LRRC23: variants seen among roughly 807,000 people sequenced by gnomAD.
LRRC23 encodes the protein leucine-rich repeat-containing protein 23.
In LRRC23, 28 loss-of-function variants were observed where a neutral mutation model predicts 37.7. The ratio of observed to expected loss-of-function variants is 0.74; its 90% CI spans 0.55 to 1.02. The LOEUF (loss-of-function observed/expected upper bound fraction) is 1.02. Among genes scored for constraint, LRRC23 ranks in the 50% least tolerant of loss-of-function variants. The pLI, the probability that LRRC23 is intolerant of heterozygous loss-of-function variation, is 0.00. For missense variants in LRRC23, 377 were observed against 413.2 expected, an observed-to-expected ratio of 0.91 and a Z score of 0.76; for synonymous variants, 161 against 165.4, an observed-to-expected ratio of 0.97 and a Z score of 0.20.
chr12:6,910,053 T>G, intron 6 of LRRC23, 27 bp downstream of exon 6: 1 of 1,589,698 alleles, frequency 6.3e-7, no homozygotes, highest in Non-Finnish European at 8.6e-7. Context: ...AGCCCCACCT[T>G]GCCCCTACCC....
chr12:6,913,109 A>G, intron 7 of LRRC23, 82 bp downstream of exon 7: 3 of 1,390,226 alleles, frequency 2.2e-6, no homozygotes, highest in Admixed American at 1.9e-5. Flanking sequence ...AAGCTGCTGC[A>G]GAAGGAGGTG....
chr12:6,907,521 G>T (rs1555139844), intron 5 of LRRC23, 76 bp downstream of exon 5: 1 of 1,411,536 alleles, frequency 7.1e-7, no homozygotes, highest in Non-Finnish European at 1.0e-6. Flanking sequence ...TTTCTAGTAG[G>T]CTCAGCTACT....
At chr12:6,911,826 TAGTG>T (rs1348483810) in intron 6 of LRRC23, among the ~76,000 whole-genome samples, 1 of 152,076 alleles carries the variant, frequency 6.6e-6, no homozygotes, top group Non-Finnish European at 1.5e-5. Flanking sequence ...CTGGGCAACA[TAGTG>T]AGACCCAGTC....
Position 6,907,713 on chromosome 12 carries a change from T to G in LRRC23, c.621+268T>G, listed in dbSNP as rs1452967123. 5 of 592,284 alleles carry G rather than the reference T, an allele frequency of 8.4e-6. No homozygotes were observed. The Admixed American group carries it at 1.5e-4, about 17-fold the overall frequency. 36.7% of individuals were successfully genotyped at this position (592,284 alleles called of 1,614,324 possible). A position where few individuals can be genotyped will look rare whatever the true frequency, so the allele number is the denominator to read the frequency against. On this transcript the variant is annotated intron_variant, in intron 5 of 7. Coordinates refer to ENST00000443597, the MANE Select transcript of LRRC23 (RefSeq NM_001135217.2). ...CATAATTGAGGTACAAACATCAGTC[T>G]GTGGAAATGTTTTAGGAAAACCCTC...
At chr12:6,909,634 G>A (rs957009923) in intron 5 of LRRC23, among the ~76,000 whole-genome samples, 28 of 148,010 alleles carry the variant, frequency 1.9e-4, no homozygotes, top group African/African-American at 6.7e-4. Flanking sequence ...GGTAGGGGTG[G>A]GTTGAAGCAT....
rs1429414163 is a variant in LRRC23 at position 6,913,927 on chromosome 12, TC to T, written c.*64del. The T allele has an allele frequency of 1.9e-6, 3 of 1,609,658 alleles. No individual in the cohort carries two copies. Among genetic ancestry groups the T allele is most frequent in the Non-Finnish European group, 2.5e-6 (3 of 1,178,080 alleles). ...CGCTGGCCTTCAGACCTGATCAGAC[TC>T]CCAGGGGCAGCCACCACATGTATGA... On this transcript the variant is annotated 3_prime_UTR_variant, in exon 8 of 8. Transcript: ENST00000443597.
At chr12:6,906,062 C>G in intron 3 of LRRC23, 108 bp downstream of exon 3, 1 of 992,488 alleles carries the variant, frequency 1.0e-6, no homozygotes, top group Non-Finnish European at 1.6e-6. Flanking sequence ...CTTCTCATGC[C>G]TAGTGGAAAG....
intron 7 of LRRC23, among the ~76,000 whole-genome samples, chr12:6,913,551 G>GTTTT (rs1248085636): frequency 0.049 from 3,784 of 77,986 alleles, 972 homozygotes; most frequent in African/African-American, 0.083. Flanking sequence ...ATTTACCTCT[G>GTTTT]TTTGTTTTTT....
rs1443936666 is a variant in LRRC23, at chr12:6,905,694, G to A, written c.61G>A (p.Glu21Lys). ...EPDQDDSEKE[E>K]DEKETEEGED... ...AGACCAGGATGATTCTGAGAAAGAA[G>A]AGGACGAGAAGGAGACAGAGGAGGG... is the stretch of plus-strand genomic sequence containing the variant. The change falls in exon 2 of 8, where the codon GAG (glutamate) becomes AAG (lysine). Residue 21 changes from glutamate to lysine, a missense_variant. Glu to Lys is a moderately conservative substitution (Grantham distance 56, BLOSUM62 1). Coordinates refer to ENST00000443597, the MANE Select transcript of LRRC23 (RefSeq NM_001135217.2). The A allele has an allele frequency of 1.2e-6, 2 of 1,613,708 alleles. No homozygotes were observed. Among genetic ancestry groups the A allele is most frequent in the Non-Finnish European group, 1.7e-6 (2 of 1,179,856 alleles).
In LRRC23 at chr12:6,912,754, G is replaced by A. The variant is rs1565555704; in HGVS notation, c.783G>A (p.Gly261=). Residue 261 remains glycine, a synonymous_variant, in exon 7 of 8, where the codon GGG becomes GGA. Coordinates refer to ENST00000443597, the MANE Select transcript of LRRC23 (RefSeq NM_001135217.2). The part of the protein sequence containing the change: ...NLRGNMVANL[G]ELAKLRDLPK... The stretch of plus-strand genomic sequence containing the variant: ...GGGGCAACATGGTGGCCAACCTGGG[G>A]GAGCTGGCCAAGCTTCGAGACCTGC... 1.9e-6 allele frequency: 3 copies of A among 1,614,018 alleles called. No individual in the cohort carries two copies. The highest frequency in any genetic ancestry group is 1.7e-6 in the Non-Finnish European group (2 of 1,180,012).
intron 5 of LRRC23, among the ~76,000 whole-genome samples, chr12:6,909,378 T>A (rs183335187): frequency 9.4e-4 from 33 of 34,938 alleles, no homozygotes; most frequent in South Asian, 1.4e-3. Flanking sequence ...ATAATATATT[T>A]TATATAATAT....
chr12:6,911,001 A>G (rs993949370), intron 6 of LRRC23, among the ~76,000 whole-genome samples: 1 of 152,072 alleles, frequency 6.6e-6, no homozygotes, highest in Admixed American at 6.6e-5. Flanking sequence ...CCTATCCTAT[A>G]TAAGTTTCCA....
intron 4 of LRRC23, chr12:6,906,886 G>A: frequency 1.8e-6 from 1 of 567,674 alleles, no homozygotes; most frequent in South Asian, 2.1e-5. Flanking sequence ...AATTGGGAGA[G>A]ACAAACAAGT....
intron 6 of LRRC23, among the ~76,000 whole-genome samples, chr12:6,910,631 C>A (rs1255235380): frequency 6.6e-6 from 1 of 152,154 alleles, no homozygotes; most frequent in Non-Finnish European, 1.5e-5. Context: ...ATCGCTGGAG[C>A]CTCGAGGTGG....
At position 6,905,710 on chromosome 12, in the gene LRRC23, C is replaced by G; in HGVS notation, c.77C>G (p.Thr26Arg). The change falls in exon 2 of 8, where the codon ACA becomes AGA. Residue 26 changes from threonine to arginine, a missense_variant. Thr to Arg is a moderately conservative substitution (Grantham distance 71). Around this residue, in one of 3 missense-constraint regions of LRRC23, gnomAD observed 106 missense variants for 105.9 expected, o/e 1.00. Transcript: ENST00000443597. Reference protein sequence around the residue: ...DSEKEEDEKETEEGEDYRKEG... With the variant: ...DSEKEEDEKEREEGEDYRKEG... The stretch of plus-strand genomic sequence containing the variant: ...GAGAAAGAAGAGGACGAGAAGGAGA[C>G]AGAGGAGGGGGAGGACTACAGAAAA... 3 of 1,611,764 alleles carry G rather than the reference C, an allele frequency of 1.9e-6. No individual in the cohort carries two copies. The highest frequency in any genetic ancestry group is 1.7e-6 in the Non-Finnish European group (2 of 1,179,472).
chr12:6,910,940 ATT>A (rs1945144602), intron 6 of LRRC23, among the ~76,000 whole-genome samples: 1 of 151,946 alleles, frequency 6.6e-6, no homozygotes, highest in African/African-American at 2.4e-5. Context: ...ATCAGAGGTG[ATT>A]CCTGTTCCTA....
intron 6 of LRRC23, among the ~76,000 whole-genome samples, chr12:6,912,225 C>T (rs1201958210): frequency 6.6e-6 from 1 of 152,112 alleles, no homozygotes; most frequent in Non-Finnish European, 1.5e-5. Context: ...TCTCGGCTCA[C>T]TGTAATCTCA....
At chr12:6,908,880 C>A (rs12315363) in intron 5 of LRRC23, among the ~76,000 whole-genome samples, 48,869 of 138,162 alleles carry the variant, frequency 0.35, 10,027 homozygotes, top group African/African-American at 0.58. Flanking sequence ...GAAAGATTAG[C>A]GCTTTCTCTT....
chr12:6,913,108 CAGA>C lies in LRRC23; in HGVS notation c.*24+84_*24+86del, dbSNP rs1438095565. ...GAAGAGGCAAGAGGGGAAGCTGCTG[CAGA>C]AGGAGGTGGGAGAGGAAAGCATCAG... On this transcript the variant is annotated intron_variant, in intron 7 of 7. Transcript: ENST00000443597. 6.5e-6 allele frequency: 9 copies of C among 1,395,122 alleles called. No individual in the cohort carries two copies. In the Admixed American group the frequency reaches 1.2e-4, roughly 18 times the overall value. 86.4% of individuals were successfully genotyped at this position (1,395,122 alleles called of 1,614,324 possible).
Sources: gnomAD v4.1 joint callset for allele counts (sites outside exome capture counted in the v4.1 genomes callset) on GRCh38, gnomAD v4.1.1 for gene constraint, gnomAD v4.1.1 regional missense constraint, MANE v1.5 for transcripts, NCBI Gene and HGNC (gene_info 2026-07-23, HGNC 2026-07-21) for gene names.